SPG7: variants seen among roughly 807,000 people sequenced by gnomAD.
The protein encoded by SPG7 is mitochondrial inner membrane m-AAA protease component paraplegin.
SPG7 carries 103 observed loss-of-function variants against 81.9 expected under a neutral mutation model. That is an observed-to-expected ratio of 1.26 (90% CI 1.07 to 1.48). The LOEUF (loss-of-function observed/expected upper bound fraction) is 1.48, where lower values mean the gene tolerates loss of function less well. SPG7 is among the 40% of genes most tolerant of loss of function. The probability of loss-of-function intolerance (pLI) is 0.00; values close to 1 mark genes in which losing one functional copy is unlikely to be tolerated. For missense variants in SPG7, 1,241 were observed against 1,087.3 expected, an observed-to-expected ratio of 1.14 and a Z score of -1.99; for synonymous variants, 534 against 444.2, an observed-to-expected ratio of 1.20 and a Z score of -2.54.
chr16:89,537,634 C>T, intron 9 of SPG7: 26 of 943,550 alleles, frequency 2.8e-5, no homozygotes, highest in Non-Finnish European at 3.3e-5. Flanking sequence ...TAGGCTCAAG[C>T]TTCCTAAGTA....
chr16:89,509,200 T>A (rs3923714), intron 1 of SPG7, among the ~76,000 whole-genome samples: 19,935 of 152,180 alleles, frequency 0.13, 1,666 homozygotes, highest in Middle Eastern at 0.2. Context: ...TTTGGGCTGA[T>A]GTTTTTTTCT....
chr16:89,529,380 A>G, intron 5 of SPG7, 97 bp from the exon 6 acceptor site: 3 of 796,292 alleles, frequency 3.8e-6, no homozygotes, highest in East Asian at 2.7e-5. Flanking sequence ...TCCTCGTCTC[A>G]TCTTGGAAAC....
chr16:89,532,491 C>CT lies in SPG7; in HGVS notation c.1182dup (p.Lys395Ter). ...TCGGCGCTGCCCGTGTGCGGAGCCT[C>CT]TTTAAGGAAGCCCGAGCCCGGGCCC... On this transcript the variant is annotated frameshift_variant, in exon 9 of 17. Coordinates refer to ENST00000645818, the MANE Select transcript of SPG7 (RefSeq NM_003119.4). LOFTEE classifies it high-confidence loss of function. 6.2e-7 allele frequency: 1 copy of CT among 1,613,596 alleles called. No individual in the cohort carries two copies. The highest frequency in any genetic ancestry group is 8.5e-7 in the Non-Finnish European group (1 of 1,180,040).
intron 6 of SPG7, 121 bp downstream of exon 6, chr16:89,529,700 A>G: frequency 1.3e-6 from 1 of 752,602 alleles, no homozygotes. Context: ...GCCTGAAGCC[A>G]CAATTAGACA....
chr16:89,555,392 T>C (rs1415613399), intron 16 of SPG7: 1 of 153,072 alleles, frequency 6.5e-6, no homozygotes, highest in African/African-American at 2.4e-5. Flanking sequence ...ATTATAGTGT[T>C]AGATGTAGAA....
intron 16 of SPG7, chr16:89,556,599 C>A (rs1456545029): frequency 2.2e-6 from 1 of 455,552 alleles, no homozygotes; most frequent in East Asian, 4.5e-5. Context: ...CCTGTAGACA[C>A]ACACGTCTTG....
At position 89,554,477 on chromosome 16, in the gene SPG7, C is replaced by A; in HGVS notation, c.2104-9C>A. On this transcript the variant is annotated splice_polypyrimidine_tract_variant and intron_variant, in intron 15 of 16. Coordinates refer to ENST00000645818, the MANE Select transcript of SPG7 (RefSeq NM_003119.4). ...GCCTTGCCCCTGACACAGTTCCCTC[C>A]ACTCACAGGAAGCAAGACTGCTGGT... The A allele has an allele frequency of 6.2e-7, 1 of 1,602,448 alleles. No individual in the cohort carries two copies. Among genetic ancestry groups the A allele is most frequent in the Non-Finnish European group, 8.5e-7 (1 of 1,174,868 alleles).
chr16:89,555,023 C>T (rs1052834886), intron 16 of SPG7: 8 of 184,652 alleles, frequency 4.3e-5, no homozygotes, highest in Non-Finnish European at 9.1e-5. Flanking sequence ...TCCAGTGATT[C>T]TCCTGCCTCA....
chr16:89,529,004 G>A (rs1246739770), intron 5 of SPG7: 4 of 215,762 alleles, frequency 1.9e-5, no homozygotes, highest in South Asian at 6.6e-5. Context: ...AGTAGATATG[G>A]GGTTTTACCA....
rs980847446 is a variant in SPG7, at chr16:89,553,566, C to T, written c.1937-228C>T. The T allele has an allele frequency of 1.6e-5, 9 of 579,258 alleles. No individual in the cohort carries two copies. In the African/African-American group the frequency reaches 1.7e-4, roughly 11 times the overall value. 35.9% of individuals were successfully genotyped at this position (579,258 alleles called of 1,614,324 possible). A position where few individuals can be genotyped will look rare whatever the true frequency, so the allele number is the denominator to read the frequency against. ...GCCATGCAGTGAGCTCCAGTATGCC[C>T]CCGGGTTCTAGATTTCCAAATAAAA... is the stretch of plus-strand genomic sequence containing the variant. On this transcript the variant is annotated intron_variant, in intron 14 of 16. Coordinates refer to ENST00000645818, the MANE Select transcript of SPG7 (RefSeq NM_003119.4).
rs1567891956 is a variant in SPG7 at position 89,508,769 on chromosome 16, C to G, written c.183+169C>G. The G allele has an allele frequency of 7.4e-6, 6 of 809,568 alleles. No homozygotes were observed. In the South Asian group the frequency reaches 8.7e-5, roughly 12 times the overall value. The allele number at this position is 809,568 out of a possible 1,614,324, so 50.1% of individuals were successfully genotyped here. On this transcript the variant is annotated intron_variant, in intron 1 of 16. Coordinates refer to ENST00000645818, the MANE Select transcript of SPG7 (RefSeq NM_003119.4). ...CTCGGCGCGGAGCGACTGTTGGGGCCCTGGATCGTGGGCGCTGGGCGGGCC... is the reference window on the plus strand; with the variant it reads ...CTCGGCGCGGAGCGACTGTTGGGGCGCTGGATCGTGGGCGCTGGGCGGGCC...
chr16:89,540,154 C>T (rs2058476692), intron 9 of SPG7: 1 of 152,264 alleles, frequency 6.6e-6, no homozygotes, highest in Non-Finnish European at 1.5e-5. Context: ...AGTGATTCCT[C>T]CCACTTTGTT....
At chr16:89,556,434 C>T (rs1377752307) in intron 16 of SPG7, 5 of 306,278 alleles carry the variant, frequency 1.6e-5, no homozygotes, top group African/African-American at 6.5e-5. Context: ...ACAGGACAGT[C>T]GGTGTCTCAA....
In SPG7 at chr16:89,511,752, G is replaced by T. The variant is rs935162474; in HGVS notation, c.286+1160G>T. 1.2e-4 allele frequency among the ~76,000 whole-genome samples: 19 copies of T among 152,202 alleles called. 4 individuals are homozygous for T. Among genetic ancestry groups the T allele is most frequent in the Admixed American group, 6.5e-4 (10 of 15,282 alleles). On this transcript the variant is annotated intron_variant, in intron 2 of 16. Coordinates refer to ENST00000645818, the MANE Select transcript of SPG7 (RefSeq NM_003119.4). ...TTTTTATTATTTTTTATTATTATTT[G>T]AGATAGGGTCTTGCCCTGTTGCCCA...
At chr16:89,508,777 G>A in intron 1 of SPG7, 177 bp downstream of exon 1, 1 of 773,612 alleles carries the variant, frequency 1.3e-6, no homozygotes, top group Non-Finnish European at 2.2e-6. Flanking sequence ...GCCCTGGATC[G>A]TGGGCGCTGG....
At chr16:89,536,663 G>C (rs1214656266) in intron 9 of SPG7, 2 of 1,431,874 alleles carry the variant, frequency 1.4e-6, no homozygotes, top group Non-Finnish European at 2.0e-6. Flanking sequence ...GGCAGGCGAG[G>C]CGGGTGAGAT....
chr16:89,513,008 C>G lies in SPG7; in HGVS notation c.347C>G (p.Ser116Trp), dbSNP rs149474131. The change falls in exon 3 of 17, where the codon TCG becomes TGG. Residue 116 changes from serine (S) to tryptophan (W), a missense_variant. Transcript: ENST00000645818. Reference protein sequence around the residue: ...LKQKNKEKDKSKGKAPEEDEE... With the variant: ...LKQKNKEKDKWKGKAPEEDEE... The stretch of plus-strand genomic sequence containing the variant: ...CAGAAGAATAAGGAGAAGGATAAGT[C>G]GAAGGGGAAGGCGCCTGAAGAGGAC... The G allele has an allele frequency of 1.6e-5, 25 of 1,612,800 alleles. No individual in the cohort carries two copies. The highest frequency in any genetic ancestry group is 1.3e-5 in the Non-Finnish European group (15 of 1,179,054).
chr16:89,515,739 C>T (rs916862957), intron 3 of SPG7, among the ~76,000 whole-genome samples: 4 of 150,360 alleles, frequency 2.7e-5, no homozygotes, highest in East Asian at 2.0e-4. Context: ...GATGGGGTCT[C>T]GCTCTGTCGC....
At chr16:89,536,706 G>GT in intron 9 of SPG7, 2 of 1,603,558 alleles carry the variant, frequency 1.2e-6, no homozygotes, top group Non-Finnish European at 1.7e-6. Flanking sequence ...TGCTCTGGCT[G>GT]TGTGGCGTGG....
Sources: gnomAD v4.1 joint callset for allele counts (sites outside exome capture counted in the v4.1 genomes callset) on GRCh38, gnomAD v4.1.1 for gene constraint, MANE v1.5 for transcripts, NCBI Gene and HGNC (gene_info 2026-07-23, HGNC 2026-07-21) for gene names.